SMCHD1: variants seen among roughly 807,000 people sequenced by gnomAD.
SMCHD1 encodes structural maintenance of chromosomes flexible hinge domain containing 1.
A neutral mutation model predicts 254.7 loss-of-function variants in SMCHD1; 78 were observed. The ratio of observed to expected loss-of-function variants is 0.31; its 90% confidence interval spans 0.26 to 0.37. The LOEUF (loss-of-function observed/expected upper bound fraction) is 0.37, where lower values mean the gene tolerates loss of function less well. Ranked by LOEUF, SMCHD1 falls within the 10% of genes least tolerant of loss-of-function variation. SMCHD1 has a pLI of 1.00. For missense variants in SMCHD1, 1,840 were observed against 2,408.1 expected (o/e 0.76, Z 4.94); for synonymous variants, 766 against 794.9 (o/e 0.96, Z 0.61).
chr18:2,777,876 T>C lies in SMCHD1; in HGVS notation c.5437T>C (p.Leu1813=). The C allele has an allele frequency of 6.5e-7, 1 of 1,550,216 alleles. No homozygotes were observed. Among genetic ancestry groups the C allele is most frequent in the Admixed American group, 1.9e-5 (1 of 51,306 alleles). The part of the protein sequence containing the change: ...PIGDPVFARD[L]LTFPDNVEHC... ...TGGAGATCCAGTCTTTGCTCGAGAC[T>C]TGTTAACATTTCCAGATAATGTAGA... The change falls in exon 43 of 48, where the codon TTG becomes CTG. Residue 1813 remains leucine, a synonymous_variant. Transcript: ENST00000320876.
intron 45 of SMCHD1, among the ~76,000 whole-genome samples, chr18:2,789,904 C>T (rs1047372603): frequency 6.6e-5 from 10 of 152,340 alleles, no homozygotes; most frequent in African/African-American, 2.2e-4. Context: ...ATAACTCAGG[C>T]TGGGCGTGGT....
intron 37 of SMCHD1, among the ~76,000 whole-genome samples, chr18:2,766,459 ATC>A (rs1338047978): frequency 2.0e-5 from 3 of 152,224 alleles, no homozygotes; most frequent in African/African-American, 7.2e-5. Flanking sequence ...GGACCCTGAT[ATC>A]TCACTGAATC....
rs73365834 is a variant in SMCHD1, at chr18:2,721,151, C to T, written c.2459-1368C>T. On this transcript the variant is annotated intron_variant, in intron 19 of 47. Coordinates refer to ENST00000320876, the MANE Select transcript of SMCHD1 (RefSeq NM_015295.3). ...CCTGAGACTTATGGGCGTCTGATAA[C>T]GGTGAATCAGATTCAGTCTCTGCTT... Among the ~76,000 whole-genome samples the T allele has an allele frequency of 5.6e-3, 854 of 152,250 alleles. 5 individuals are homozygous for T. The highest frequency in any genetic ancestry group is 0.02 in the African/African-American group (813 of 41,550).
intron 34 of SMCHD1, among the ~76,000 whole-genome samples, chr18:2,757,912 C>G (rs2075712750): frequency 6.6e-6 from 1 of 151,708 alleles, no homozygotes; most frequent in South Asian, 2.1e-4. Flanking sequence ...CAAATTAAAC[C>G]TTTTATTATT....
At position 2,730,371 on chromosome 18, in the gene SMCHD1, C is replaced by T. The variant is rs181855863; in HGVS notation, c.3048+962C>T. Among the ~76,000 whole-genome samples the T allele has an allele frequency of 2.2e-3, 333 of 152,176 alleles. 1 individual carries two copies. Among genetic ancestry groups the T allele is most frequent in the Non-Finnish European group, 3.4e-3 (233 of 68,002 alleles). ...ATTTTTAGTAGAGATGGGGTTTCAC[C>T]GTGTTAGCCAGGATGGTCTCGACCT... On this transcript the variant is annotated intron_variant, in intron 24 of 47. Coordinates refer to ENST00000320876, the MANE Select transcript of SMCHD1 (RefSeq NM_015295.3).
intron 1 of SMCHD1, among the ~76,000 whole-genome samples, chr18:2,663,748 T>C (rs548797618): frequency 6.6e-6 from 1 of 151,034 alleles, no homozygotes; most frequent in Non-Finnish European, 1.5e-5. Context: ...GGAGTCTCGC[T>C]CTGTCGCCCA....
At chr18:2,790,712 G>A (rs1285316034) in intron 45 of SMCHD1, among the ~76,000 whole-genome samples, 2 of 152,156 alleles carry the variant, frequency 1.3e-5, no homozygotes, top group Non-Finnish European at 2.9e-5. Flanking sequence ...AGTAAGCCAA[G>A]ATTGCACCAC....
rs769850705 is a variant in SMCHD1, at chr18:2,732,315, T to C, written c.3099T>C (p.Ser1033=). ...PVEKTIKLLP[S]SHVARLQIFS... The stretch of plus-strand genomic sequence containing the variant: ...AGAAGACTATTAAGTTGCTTCCCAG[T>C]AGCCATGTTGCAAGACTACAAATAT... The change falls in exon 25 of 48, where the codon AGT becomes AGC. Residue 1033 remains serine, a synonymous_variant. Transcript: ENST00000320876. 61 of 1,613,716 alleles carry C rather than the reference T, an allele frequency of 3.8e-5. 1 individual carries two copies. The South Asian group carries it at 6.0e-4, about 16-fold the overall frequency.
At chr18:2,714,167 G>A (rs929950464) in intron 17 of SMCHD1, among the ~76,000 whole-genome samples, 1 of 151,994 alleles carries the variant, frequency 6.6e-6, no homozygotes, top group Non-Finnish European at 1.5e-5. Context: ...ATGAATCTAG[G>A]CACTGGTATT....
chr18:2,802,506 T>A, intron 47 of SMCHD1, 22 bp from the exon 48 acceptor site: 1 of 1,544,920 alleles, frequency 6.5e-7, no homozygotes, highest in Non-Finnish European at 8.7e-7. Context: ...ATAAAACTTT[T>A]TTTTCTTTCC....
intron 47 of SMCHD1, among the ~76,000 whole-genome samples, chr18:2,799,818 G>A (rs1381772199): frequency 6.6e-6 from 1 of 151,356 alleles, no homozygotes; most frequent in African/African-American, 2.4e-5. Context: ...TCCTGTACCA[G>A]TGACTAGTAA....
intron 34 of SMCHD1, among the ~76,000 whole-genome samples, chr18:2,753,943 C>G (rs760993824): frequency 3.3e-4 from 50 of 152,252 alleles, no homozygotes; most frequent in Admixed American, 2.6e-4. Flanking sequence ...TCTTAATTTG[C>G]ATTTCCCTGT....
At chr18:2,710,382 A>AT (rs201024040) in intron 17 of SMCHD1, among the ~76,000 whole-genome samples, 2,004 of 152,272 alleles carry the variant, frequency 0.013, 20 homozygotes, top group Non-Finnish European at 0.021. Context: ...GTCCATGGAG[A>AT]TTCCCTATGA....
chr18:2,729,282 G>C lies in SMCHD1; in HGVS notation c.2921G>C (p.Gly974Ala). The change falls in exon 24 of 48, where the codon GGT becomes GCT. Residue 974 changes from glycine (G) to alanine (A), a missense_variant. Gly to Ala is a moderately conservative substitution (Grantham distance 60, BLOSUM62 0). Transcript: ENST00000320876. ...PKLIVHCKFS[G>A]APNLPVYVVD... ...TTTTCATCTTTCAAATAGTTTTCAGGTGCTCCAAACCTTCCAGTCTATGTT... is the reference window on the plus strand; with the variant it reads ...TTTTCATCTTTCAAATAGTTTTCAGCTGCTCCAAACCTTCCAGTCTATGTT... 2 of 1,475,914 alleles carry C rather than the reference G, an allele frequency of 1.4e-6. No individual in the cohort carries two copies. The highest frequency in any genetic ancestry group is 1.8e-6 in the Non-Finnish European group (2 of 1,114,810). The allele number at this position is 1,475,914 out of a possible 1,614,324, so 91.4% of individuals were successfully genotyped here. A position where few individuals can be genotyped will look rare whatever the true frequency, so the allele number is the denominator to read the frequency against.
At chr18:2,742,875 CTG>C (rs2143562770) in intron 28 of SMCHD1, among the ~76,000 whole-genome samples, 1 of 152,214 alleles carries the variant, frequency 6.6e-6, no homozygotes, top group East Asian at 1.9e-4. Flanking sequence ...CGGGGTCTTA[CTG>C]TGTTGCCCAG....
chr18:2,662,667 C>CAAGAAAAAAAAAAAAAAAAA (rs2073322107), intron 1 of SMCHD1, among the ~76,000 whole-genome samples: 1 of 35,684 alleles, frequency 2.8e-5, no homozygotes, highest in Non-Finnish European at 5.0e-5. Context: ...AACAAAAAAC[C>CAAGAAAAAAAAAAAAAAAAA]AAAAAAAAAA....
At chr18:2,695,694 T>A (rs1215799781) in intron 8 of SMCHD1, among the ~76,000 whole-genome samples, 1 of 152,210 alleles carries the variant, frequency 6.6e-6, no homozygotes, top group Non-Finnish European at 1.5e-5. Context: ...TACTGAGACT[T>A]GCAAAATGGG....
chr18:2,802,648 A>G lies in SMCHD1; in HGVS notation c.*96A>G. On this transcript the variant is annotated 3_prime_UTR_variant, in exon 48 of 48. Transcript: ENST00000320876. ...ACCAAGAGGGTGACTTACCAGACTG[A>G]GTATTTCTGGGGACAATACAAGTAC... The G allele has an allele frequency of 1.7e-6, 2 of 1,193,560 alleles. No individual in the cohort carries two copies. The highest frequency in any genetic ancestry group is 2.3e-6 in the Non-Finnish European group (2 of 855,980). The allele number at this position is 1,193,560 out of a possible 1,614,324, so 73.9% of individuals were successfully genotyped here.
chr18:2,777,827 T>C lies in SMCHD1; in HGVS notation c.5388T>C (p.Asn1796=). ...DWKRSLPHFR[N]GKLYFKPIGD... ...TTAGATCTCTACCTCATTTCCGAAA[T>C]GGAAAATTGTATTTTAAACCCATTG... The change falls in exon 43 of 48, where the codon AAT becomes AAC. Residue 1796 remains asparagine, a synonymous_variant. Transcript: ENST00000320876. 2 of 1,537,494 alleles carry C rather than the reference T, an allele frequency of 1.3e-6. No individual in the cohort carries two copies. Among genetic ancestry groups the C allele is most frequent in the Non-Finnish European group, 8.8e-7 (1 of 1,139,546 alleles).
Sources: gnomAD v4.1 joint callset for allele counts (sites outside exome capture counted in the v4.1 genomes callset) on GRCh38, gnomAD v4.1.1 for gene constraint, MANE v1.5 for transcripts, NCBI Gene and HGNC (gene_info 2026-07-23, HGNC 2026-07-21) for gene names.